Variants in CLVS2 observed in about 807,000 individuals in gnomAD.
CLVS2 encodes the protein clavesin-2.
Under a neutral mutation model 29.0 loss-of-function variants are expected in CLVS2, and 19 were observed. The ratio of observed to expected loss-of-function variants is 0.66; its 90% CI spans 0.46 to 0.96. CLVS2 has a LOEUF of 0.96. CLVS2 is among the 40% of genes least tolerant of loss of function. CLVS2 has a pLI of 0.00. For synonymous variants in CLVS2, 161 were observed against 151.3 expected (o/e 1.06, Z -0.47); for missense variants, 294 against 404.1 (o/e 0.73, Z 2.34).
chr6:123,043,055 A>G (rs1775257207), intron 3 of CLVS2, among the ~76,000 whole-genome samples: 1 of 152,180 alleles, frequency 6.6e-6, no homozygotes, highest in Admixed American at 6.5e-5. Context: ...CAACTGCCAC[A>G]AAATCACTTC....
chr6:123,028,902 A>G (rs1775042800), intron 3 of CLVS2, among the ~76,000 whole-genome samples: 1 of 152,016 alleles, frequency 6.6e-6, no homozygotes, highest in South Asian at 2.1e-4. Context: ...TGTTTGCCCT[A>G]CCCCCAAATT....
At chr6:123,033,258 T>C (rs1582655286) in intron 3 of CLVS2, among the ~76,000 whole-genome samples, 2 of 152,248 alleles carry the variant, frequency 1.3e-5, no homozygotes, top group East Asian at 3.9e-4. Context: ...TTGAAAGATA[T>C]TTTTAATGTA....
At chr6:123,039,495 CTGCTGTTG>C (rs1236652502) in intron 3 of CLVS2, among the ~76,000 whole-genome samples, 1 of 152,152 alleles carries the variant, frequency 6.6e-6, no homozygotes, top group East Asian at 1.9e-4. Flanking sequence ...GCGTTCTCTC[CTGCTGTTG>C]TGCTTGATTG....
intron 3 of CLVS2, among the ~76,000 whole-genome samples, chr6:123,025,814 G>A (rs1445117033): frequency 6.6e-6 from 1 of 152,054 alleles, no homozygotes; most frequent in Non-Finnish European, 1.5e-5. Flanking sequence ...TTCCTCTGTT[G>A]TAACTGCATC....
chr6:123,011,181 C>T (rs770023200), intron 3 of CLVS2, 22 bp downstream of exon 3: 3 of 1,500,246 alleles, frequency 2.0e-6, no homozygotes, highest in Non-Finnish European at 9.0e-7. Flanking sequence ...AAATTACCTA[C>T]TTCCTTGGTC....
At chr6:123,004,079 A>G (rs550460173) in intron 2 of CLVS2, among the ~76,000 whole-genome samples, 3 of 152,354 alleles carry the variant, frequency 2.0e-5, no homozygotes, top group Admixed American at 6.5e-5. Flanking sequence ...TCGATTAAAT[A>G]TAACAAAACA....
intron 2 of CLVS2, among the ~76,000 whole-genome samples, chr6:123,010,674 G>A (rs924890306): frequency 6.6e-6 from 1 of 151,972 alleles, no homozygotes; most frequent in African/African-American, 2.4e-5. Context: ...CACTTAAAAC[G>A]TGTGATGCCT....
Position 123,011,128 on chromosome 6 carries a change from G to C in CLVS2, c.533G>C (p.Ser178Thr), listed in dbSNP as rs139717598. The C allele has an allele frequency of 6.3e-7, 1 of 1,598,174 alleles. No homozygotes were observed. The highest frequency in any genetic ancestry group is 8.5e-7 in the Non-Finnish European group (1 of 1,171,262). ...TFKQASKLTPSMLRLAIEGLQ... is the reference protein window; with the variant it reads ...TFKQASKLTPTMLRLAIEGLQ... ...AAGCAAGCCTCTAAACTCACACCAAGTATGCTGCGATTAGCTATTGAAGGC... is the reference window on the plus strand; with the variant it reads ...AAGCAAGCCTCTAAACTCACACCAACTATGCTGCGATTAGCTATTGAAGGC... Residue 178 changes from serine to threonine, a missense_variant, in exon 3 of 6, where the codon AGT (serine) becomes ACT (threonine). Physicochemically the swap from Ser to Thr is moderately conservative, Grantham distance 58. Transcript: ENST00000275162.
intron 3 of CLVS2, among the ~76,000 whole-genome samples, chr6:123,016,538 C>T (rs1238493480): frequency 1.3e-5 from 2 of 151,960 alleles, no homozygotes; most frequent in African/African-American, 4.8e-5. Context: ...GGTCTCTGTG[C>T]TTTTGCCTTC....
At chr6:123,061,008 C>T (rs767701872) in intron 5 of CLVS2, among the ~76,000 whole-genome samples, 1 of 152,180 alleles carries the variant, frequency 6.6e-6, no homozygotes, top group Non-Finnish European at 1.5e-5. Flanking sequence ...TGCATAGAAA[C>T]CCCTGAGATG....
At chr6:123,049,237 TTA>T (rs1772567548) in intron 4 of CLVS2, among the ~76,000 whole-genome samples, 1 of 152,148 alleles carries the variant, frequency 6.6e-6, no homozygotes, top group African/African-American at 2.4e-5. Flanking sequence ...TTTCTTTAAA[TTA>T]TATGTTACTT....
At chr6:123,048,789 G>A (rs113824882) in intron 4 of CLVS2, 57 bp downstream of exon 4, 33 of 1,028,446 alleles carry the variant, frequency 3.2e-5, no homozygotes, top group African/African-American at 1.4e-4. Context: ...GAATTATAAT[G>A]CATAATGTGT....
intron 3 of CLVS2, among the ~76,000 whole-genome samples, chr6:123,029,272 A>G (rs1454411073): frequency 6.6e-6 from 1 of 152,246 alleles, no homozygotes; most frequent in Non-Finnish European, 1.5e-5. Flanking sequence ...CTATTAGAAA[A>G]GTATCTCATT....
intron 3 of CLVS2, among the ~76,000 whole-genome samples, chr6:123,039,486 C>T (rs894192809): frequency 2.6e-5 from 4 of 152,160 alleles, no homozygotes; most frequent in African/African-American, 9.7e-5. Context: ...TTTTGCTCTG[C>T]GTTCTCTCCT....
chr6:123,011,642 T>C (rs1014921588), intron 3 of CLVS2, among the ~76,000 whole-genome samples: 9 of 151,980 alleles, frequency 5.9e-5, no homozygotes, highest in Non-Finnish European at 1.5e-5. Flanking sequence ...TTAGACTTCA[T>C]TGGGTTTTTT....
chr6:122,999,573 T>C (rs1199418577), intron 2 of CLVS2, among the ~76,000 whole-genome samples: 1 of 152,220 alleles, frequency 6.6e-6, no homozygotes, highest in Non-Finnish European at 1.5e-5. Context: ...TTTTTATTCA[T>C]TGACCACAAT....
chr6:123,021,813 T>G (rs1774928004), intron 3 of CLVS2, among the ~76,000 whole-genome samples: 5 of 152,130 alleles, frequency 3.3e-5, no homozygotes, highest in Admixed American at 3.3e-4. Flanking sequence ...GGCTCCCCTC[T>G]CAGCCTTTGC....
At chr6:123,026,879 A>T (rs1162953632) in intron 3 of CLVS2, among the ~76,000 whole-genome samples, 2 of 152,196 alleles carry the variant, frequency 1.3e-5, no homozygotes, top group African/African-American at 4.8e-5. Context: ...TCATATGAAG[A>T]CACTCACACT....
intron 3 of CLVS2, among the ~76,000 whole-genome samples, chr6:123,021,061 A>G (rs559077149): frequency 1.1e-3 from 147 of 135,780 alleles, no homozygotes; most frequent in East Asian, 1.2e-3. Flanking sequence ...TGGGGGGGGT[A>G]AAATTGCAGA....
Sources: allele counts gnomAD v4.1 joint callset (sites outside exome capture counted in the v4.1 genomes callset), GRCh38; gene constraint gnomAD v4.1.1; transcripts MANE v1.5; gene names NCBI Gene and HGNC (gene_info 2026-07-23, HGNC 2026-07-21).